The following NCOA7 variants were observed in gnomAD, a reference collection of about 807,000 sequenced individuals.
The protein encoded by NCOA7 is nuclear receptor coactivator 7, also known as 140 kDa estrogen receptor-associated protein.
NCOA7 carries 45 observed loss-of-function variants against 104.3 expected under a neutral mutation model. That is an observed-to-expected ratio of 0.43 (90% CI 0.34 to 0.55). The LOEUF is 0.55. Among genes scored for constraint, NCOA7 ranks in the 20% least tolerant of loss-of-function variants. The probability of loss-of-function intolerance (pLI) is 0.02; values close to 1 mark genes in which losing one functional copy is unlikely to be tolerated. For synonymous variants in NCOA7, 398 were observed against 402.3 expected (o/e 0.99, Z 0.13); for missense variants, 1,041 against 1,119.7 (o/e 0.93, Z 1.00).
intron 5 of NCOA7, among the ~76,000 whole-genome samples, chr6:125,880,144 G>T (rs1783701458): frequency 6.6e-6 from 1 of 152,162 alleles, no homozygotes; most frequent in South Asian, 2.1e-4. Context: ...AATTTTTTGG[G>T]GTGGGGGTAG....
intron 2 of NCOA7, among the ~76,000 whole-genome samples, chr6:125,820,719 T>A (rs1161706088): frequency 6.6e-6 from 1 of 152,180 alleles, no homozygotes; most frequent in African/African-American, 2.4e-5. Context: ...TTCACCTAAT[T>A]TTCATCTTGA....
upstream of NCOA7, among the ~76,000 whole-genome samples, chr6:125,786,891 A>G (rs2128538800): frequency 6.6e-6 from 1 of 152,294 alleles, no homozygotes; most frequent in African/African-American, 2.4e-5. Flanking sequence ...TCATGTCTGT[A>G]GTCCCAGCAC....
At chr6:125,836,083 TA>T (rs1354948483) in intron 2 of NCOA7, among the ~76,000 whole-genome samples, 7 of 152,234 alleles carry the variant, frequency 4.6e-5, no homozygotes, top group Non-Finnish European at 1.0e-4. Context: ...TTAGTTTAGG[TA>T]ATTATATTTT....
intron 1 of NCOA7, among the ~76,000 whole-genome samples, chr6:125,806,583 T>C (rs1020593348): frequency 6.6e-6 from 1 of 152,152 alleles, no homozygotes; most frequent in African/African-American, 2.4e-5. Context: ...GTGGTACCCT[T>C]TCCTGGGGCA....
In NCOA7 at chr6:125,862,401, G is replaced by T. The variant is rs967053335; in HGVS notation, c.271+7161G>T. ...CTTCTTCATAGTGGTGAATGCCAGA[G>T]GAATTAAAATCTCTTCAGACTTATG... On this transcript the variant is annotated intron_variant, in intron 3 of 15. Coordinates refer to ENST00000392477, the MANE Select transcript of NCOA7 (RefSeq NM_181782.5). Among the ~76,000 whole-genome samples, 3 of 138,312 alleles carry T rather than the reference G, an allele frequency of 2.2e-5. 1 individual carries two copies. The highest frequency in any genetic ancestry group is 4.6e-5 in the Non-Finnish European group (3 of 64,988). The allele number at this position is 138,312 out of a possible 152,430, so 90.7% of individuals were successfully genotyped here. A position where few individuals can be genotyped will look rare whatever the true frequency, so the allele number is the denominator to read the frequency against.
chr6:125,783,805 A>G (rs2128536534), intron 1 of NCOA7, among the ~76,000 whole-genome samples: 1 of 152,340 alleles, frequency 6.6e-6, no homozygotes, highest in South Asian at 2.1e-4. Context: ...TTTTACACAA[A>G]GAGTAGCATA....
At chr6:125,912,974 A>G (rs1786719535) in intron 10 of NCOA7, among the ~76,000 whole-genome samples, 1 of 152,220 alleles carries the variant, frequency 6.6e-6, no homozygotes, top group East Asian at 1.9e-4. Flanking sequence ...AATCATATAA[A>G]TGTATTACCT....
chr6:125,921,470 G>A (rs1787580033), intron 12 of NCOA7, among the ~76,000 whole-genome samples: 1 of 152,004 alleles, frequency 6.6e-6, no homozygotes, highest in South Asian at 2.1e-4. Flanking sequence ...GCTGAAGGAT[G>A]AGGCTTGTGA....
intron 2 of NCOA7, among the ~76,000 whole-genome samples, chr6:125,853,896 G>A (rs1781336939): frequency 6.6e-6 from 1 of 152,072 alleles, no homozygotes; most frequent in Non-Finnish European, 1.5e-5. Context: ...CCTCAGGGAG[G>A]GACCTCTCTA....
In NCOA7 at chr6:125,927,644, TTC is replaced by T. The variant is rs1456662648; in HGVS notation, c.2524-17_2524-16del. On this transcript the variant is annotated splice_polypyrimidine_tract_variant and intron_variant, in intron 13 of 15. Coordinates refer to ENST00000392477, the MANE Select transcript of NCOA7 (RefSeq NM_181782.5). The stretch of plus-strand genomic sequence containing the variant: ...ATTTAGGTTTGAATGTAGGTAACAT[TTC>T]TGTTTTCTTTTGACAGATTTTTGGA... The T allele has an allele frequency of 6.3e-7, 1 of 1,593,100 alleles. No homozygotes were observed. Among genetic ancestry groups the T allele is most frequent in the Non-Finnish European group, 8.6e-7 (1 of 1,160,786 alleles).
intron 2 of NCOA7, among the ~76,000 whole-genome samples, chr6:125,832,957 G>A (rs1405634412): frequency 6.6e-6 from 1 of 152,142 alleles, no homozygotes; most frequent in African/African-American, 2.4e-5. Context: ...CATGTGTTCT[G>A]CCCACCAAAT....
chr6:125,907,615 T>A (rs1436647419), intron 10 of NCOA7, among the ~76,000 whole-genome samples: 1 of 152,174 alleles, frequency 6.6e-6, no homozygotes, highest in Non-Finnish European at 1.5e-5. Flanking sequence ...GATCTGACTA[T>A]GGACAGATAC....
intron 3 of NCOA7, among the ~76,000 whole-genome samples, chr6:125,858,638 AAAG>A (rs1324547219): frequency 6.6e-6 from 1 of 152,068 alleles, no homozygotes; most frequent in Non-Finnish European, 1.5e-5. Context: ...AAAAAAAAAA[AAAG>A]AAAGAAATGC....
chr6:125,848,339 A>G (rs1583365805), intron 2 of NCOA7, among the ~76,000 whole-genome samples: 1 of 152,344 alleles, frequency 6.6e-6, no homozygotes, highest in African/African-American at 2.4e-5. Flanking sequence ...TGCTATGAAG[A>G]CACATGCACA....
chr6:125,837,536 C>G (rs1319796436), intron 2 of NCOA7, among the ~76,000 whole-genome samples: 1 of 152,096 alleles, frequency 6.6e-6, no homozygotes, highest in Non-Finnish European at 1.5e-5. Flanking sequence ...ACTCTTTCTC[C>G]TTTTTGAAAC....
At chr6:125,781,934 T>C (rs1357491927) in intron 1 of NCOA7, among the ~76,000 whole-genome samples, 1 of 152,234 alleles carries the variant, frequency 6.6e-6, no homozygotes, top group Non-Finnish European at 1.5e-5. Context: ...AACACACATA[T>C]ACCCTTCATC....
In NCOA7 at chr6:125,864,605, G is replaced by A. The variant is rs569137747; in HGVS notation, c.271+9365G>A. Among the ~76,000 whole-genome samples the A allele has an allele frequency of 2.1e-4, 29 of 135,646 alleles. 6 individuals are homozygous for A. The highest frequency in any genetic ancestry group is 6.7e-4 in the South Asian group (3 of 4,482). 89.0% of individuals were successfully genotyped at this position (135,646 alleles called of 152,430 possible). A position where few individuals can be genotyped will look rare whatever the true frequency, so the allele number is the denominator to read the frequency against. ...GAAGTAATGAGGCCATATGGGTGGC[G>A]ACCTCATGATTGGGATTAGTGTTCT... On this transcript the variant is annotated intron_variant, in intron 3 of 15. Coordinates refer to ENST00000392477, the MANE Select transcript of NCOA7 (RefSeq NM_181782.5).
intron 3 of NCOA7, among the ~76,000 whole-genome samples, chr6:125,862,909 C>A (rs567747253): frequency 7.2e-6 from 1 of 138,532 alleles, no homozygotes. Flanking sequence ...GCAAGAGAAC[C>A]GCTTGAACCC....
intron 1 of NCOA7, among the ~76,000 whole-genome samples, chr6:125,805,132 G>A (rs958216703): frequency 2.5e-4 from 29 of 117,812 alleles, no homozygotes; most frequent in African/African-American, 7.6e-4. Context: ...GTCTCGCTCC[G>A]TCGCCCAGGC....
Sources: allele counts gnomAD v4.1 joint callset (sites outside exome capture counted in the v4.1 genomes callset), GRCh38; gene constraint gnomAD v4.1.1; transcripts MANE v1.5; gene names NCBI Gene and HGNC (gene_info 2026-07-23, HGNC 2026-07-21).